Variants in LTBP1 observed in about 807,000 individuals in gnomAD.
LTBP1 encodes the protein latent-transforming growth factor beta-binding protein 1.
LTBP1 carries 129 observed loss-of-function variants against 207.6 expected under a neutral mutation model. The observed-to-expected ratio is 0.62, with a 90% CI of 0.54 to 0.72. The LOEUF is 0.72. Ranked by LOEUF, LTBP1 falls within the 30% of genes least tolerant of loss-of-function variation. LTBP1 has a pLI of 0.00. For synonymous variants in LTBP1, 963 were observed against 833.7 expected (o/e 1.16, Z -2.67); for missense variants, 2,281 against 2,217.2 (o/e 1.03, Z -0.58).
chr2:33,361,291 A>AT, intron 27 of LTBP1, 138 bp from the exon 28 acceptor site: 2 of 542,564 alleles, frequency 3.7e-6, no homozygotes, highest in South Asian at 5.5e-5. Context: ...TTAATCCATC[A>AT]TTTTTTGAGA....
chr2:33,311,998 T>G (rs560379237), intron 23 of LTBP1, among the ~76,000 whole-genome samples: 1 of 152,338 alleles, frequency 6.6e-6, no homozygotes, highest in African/African-American at 2.4e-5. Flanking sequence ...AAGAATAGTG[T>G]CTGTGAATCT....
intron 3 of LTBP1, among the ~76,000 whole-genome samples, chr2:33,036,945 T>G (rs1299758324): frequency 1.3e-5 from 2 of 152,110 alleles, no homozygotes; most frequent in Non-Finnish European, 2.9e-5. Context: ...AAAAAATGCT[T>G]AAAAGCCTCT....
At chr2:33,354,288 C>G (rs1174334528) in intron 26 of LTBP1, among the ~76,000 whole-genome samples, 1 of 151,836 alleles carries the variant, frequency 6.6e-6, no homozygotes, top group African/African-American at 2.4e-5. Context: ...CATTGAAAGA[C>G]TTATAAAAAT....
chr2:33,302,132 G>C lies in LTBP1; in HGVS notation c.3481+488G>C, dbSNP rs192863744. Among the ~76,000 whole-genome samples the C allele has an allele frequency of 2.8e-3, 431 of 152,284 alleles. 2 individuals carry two copies. The highest frequency in any genetic ancestry group is 4.8e-3 in the Non-Finnish European group (325 of 68,032). ...CATCAACCACTTTCACTACTTGTTT[G>C]GCTAAGAAGCTCTCTGCAGTGGTTG... On this transcript the variant is annotated intron_variant, in intron 22 of 33. Coordinates refer to ENST00000404816, the MANE Select transcript of LTBP1 (RefSeq NM_206943.4).
rs1236613178 is a variant in LTBP1 at position 33,111,019 on chromosome 2, CAT to C, written c.1033+271_1033+272del. 5.9e-5 allele frequency among the ~76,000 whole-genome samples: 9 copies of C among 152,144 alleles called. No homozygotes were observed. In the East Asian group the frequency reaches 1.5e-3, roughly 26 times the overall value. On this transcript the variant is annotated intron_variant, in intron 4 of 33. Transcript: ENST00000404816. The stretch of plus-strand genomic sequence containing the variant: ...CTGCAATATGGCTTCATGTCTAAGA[CAT>C]ATTTGCTCTAACTTTGGGTCCAGTC...
intron 2 of LTBP1, among the ~76,000 whole-genome samples, chr2:33,015,029 G>C (rs1348122806): frequency 2.0e-5 from 3 of 150,604 alleles, no homozygotes; most frequent in Admixed American, 2.0e-4. Context: ...GTCTTGCTAT[G>C]TTGCACAGGC....
intron 23 of LTBP1, 46 bp downstream of exon 23, chr2:33,309,602 C>A: frequency 6.3e-7 from 1 of 1,584,460 alleles, no homozygotes; most frequent in Non-Finnish European, 8.6e-7. Context: ...CGTAATTCTT[C>A]AATTCTGCCA....
chr2:33,038,576 C>T (rs1207916362), intron 3 of LTBP1, among the ~76,000 whole-genome samples: 1 of 152,164 alleles, frequency 6.6e-6, no homozygotes, highest in African/African-American at 2.4e-5. Flanking sequence ...ATATTTTGTC[C>T]AGCAATCTTA....
intron 10 of LTBP1, among the ~76,000 whole-genome samples, chr2:33,251,621 C>T (rs1158209877): frequency 9.8e-5 from 14 of 143,496 alleles, no homozygotes; most frequent in South Asian, 6.6e-4. Context: ...GCTGAGATCG[C>T]GCCACTGCAC....
intron 24 of LTBP1, among the ~76,000 whole-genome samples, chr2:33,320,066 A>G (rs989999813): frequency 6.6e-6 from 1 of 152,154 alleles, no homozygotes; most frequent in Non-Finnish European, 1.5e-5. Flanking sequence ...GATAACTAAG[A>G]TGTTAGAAAG....
intron 3 of LTBP1, among the ~76,000 whole-genome samples, chr2:33,038,257 C>A (rs1015519212): frequency 2.0e-5 from 3 of 152,204 alleles, no homozygotes; most frequent in Non-Finnish European, 2.9e-5. Context: ...TTACCCAAAG[C>A]CCAAACTAAG....
chr2:33,005,696 C>T (rs375301711), intron 2 of LTBP1, among the ~76,000 whole-genome samples: 142 of 150,732 alleles, frequency 9.4e-4, no homozygotes, highest in African/African-American at 2.6e-3. Flanking sequence ...AAGCAATTCT[C>T]GTCCCTCAGC....
At chr2:33,315,006 T>C in intron 23 of LTBP1, 138 bp from the exon 24 acceptor site, 1 of 680,854 alleles carries the variant, frequency 1.5e-6, no homozygotes, top group East Asian at 2.9e-5. Context: ...TGTGGTTGAT[T>C]TATGGACAAA....
Position 33,363,479 on chromosome 2 carries a change from C to A in LTBP1, c.4360C>A (p.Gln1454Lys). The A allele has an allele frequency of 6.2e-7, 1 of 1,613,848 alleles. No individual in the cohort carries two copies. Among genetic ancestry groups the A allele is most frequent in the South Asian group, 1.1e-5 (1 of 91,060 alleles). The change falls in exon 29 of 34, where the codon CAA becomes AAA. Residue 1454 changes from glutamine to lysine, a missense_variant. Gln to Lys is a moderately conservative substitution (Grantham distance 53). Coordinates refer to ENST00000404816, the MANE Select transcript of LTBP1 (RefSeq NM_206943.4). ...GCCTGGGTATGAATGCTACTGTAAGCAAGGGACGTACTATGATCCTGTGAA... is the reference window on the plus strand; with the variant it reads ...GCCTGGGTATGAATGCTACTGTAAGAAAGGGACGTACTATGATCCTGTGAA... ...TRPGYECYCK[Q>K]GTYYDPVKLQ...
chr2:33,341,729 A>AAAAAAAAAATATATATAT (rs745445793), intron 24 of LTBP1, among the ~76,000 whole-genome samples: 10 of 93,636 alleles, frequency 1.1e-4, no homozygotes, highest in African/African-American at 4.6e-4. Context: ...AAAAAAAAAA[A>AAAAAAAAAATATATATAT]ATATATATAT....
In LTBP1 at chr2:32,948,921, C is replaced by T; in HGVS notation, c.541C>T (p.Pro181Ser). The T allele has an allele frequency of 6.2e-7, 1 of 1,614,154 alleles. No individual in the cohort carries two copies. Among genetic ancestry groups the T allele is most frequent in the Non-Finnish European group, 8.5e-7 (1 of 1,180,046 alleles). Residue 181 changes from proline to serine, a missense_variant, in exon 2 of 34, where the codon CCT becomes TCT. By Grantham distance (74) the Pro-to-Ser change is moderately conservative (BLOSUM62 -1). Around this residue, in one of 3 missense-constraint regions of LTBP1, gnomAD observed 555 missense variants for 491.0 expected, o/e 1.13. Transcript: ENST00000404816. The part of the protein sequence containing the change: ...GRCCHGWSKA[P>S]GSQRCTKPSC... ...GTGCTGTCATGGCTGGAGTAAGGCCCCTGGCTCCCAGAGGTGCACCAAACG... is the reference window on the plus strand; with the variant it reads ...GTGCTGTCATGGCTGGAGTAAGGCCTCTGGCTCCCAGAGGTGCACCAAACG...
At chr2:33,184,277 T>TA (rs1466811579) in intron 5 of LTBP1, among the ~76,000 whole-genome samples, 1 of 152,108 alleles carries the variant, frequency 6.6e-6, no homozygotes, top group Non-Finnish European at 1.5e-5. Context: ...CAAAATAACT[T>TA]ACTGATAACA....
intron 4 of LTBP1, among the ~76,000 whole-genome samples, chr2:33,123,953 T>C (rs1349546772): frequency 6.6e-6 from 1 of 152,258 alleles, no homozygotes; most frequent in Non-Finnish European, 1.5e-5. Flanking sequence ...ACTTTAGCTC[T>C]TTGTGTAAGT....
chr2:33,308,702 C>A (rs1232091036), intron 22 of LTBP1, among the ~76,000 whole-genome samples: 1 of 152,050 alleles, frequency 6.6e-6, no homozygotes, highest in Non-Finnish European at 1.5e-5. Context: ...TTTAATAATA[C>A]AATATCATTT....
Sources: gnomAD v4.1 joint callset for allele counts (sites outside exome capture counted in the v4.1 genomes callset) on GRCh38, gnomAD v4.1.1 for gene constraint, gnomAD v4.1.1 regional missense constraint, MANE v1.5 for transcripts, NCBI Gene and HGNC (gene_info 2026-07-23, HGNC 2026-07-21) for gene names.